CFAP46: variants seen among roughly 807,000 people sequenced by gnomAD.
CFAP46 encodes cilia and flagella associated protein 46.
Under a neutral mutation model 325.7 loss-of-function variants are expected in CFAP46, and 245 were observed. The observed-to-expected ratio is 0.75, with a 90% confidence interval of 0.68 to 0.84. CFAP46 has a LOEUF of 0.84. Ranked by LOEUF, CFAP46 falls within the 40% of genes least tolerant of loss-of-function variation. CFAP46 has a pLI of 0.00. For synonymous variants in CFAP46, 1,523 were observed against 1,495.9 expected (o/e 1.02, Z -0.42); for missense variants, 3,346 against 3,543.0 (o/e 0.94, Z 1.41).
In CFAP46 at chr10:132,846,105, G is replaced by C; in HGVS notation, c.6390C>G (p.Thr2130=). 1 of 1,606,950 alleles carries C rather than the reference G, an allele frequency of 6.2e-7. No individual in the cohort carries two copies. The highest frequency in any genetic ancestry group is 8.5e-7 in the Non-Finnish European group (1 of 1,179,042). The stretch of plus-strand genomic sequence containing the variant: ...GCTCCACACGGGCGCCCAGGCTGGT[G>C]GTGGTCCTGTCTTGGCACCGGAGCT... The part of the protein sequence containing the change: ...QHQLRCQDRT[T]TSLGARVEQR... The change falls in exon 44 of 58, where the codon ACC becomes ACG. Residue 2130 remains threonine (T), a synonymous_variant. Coordinates refer to ENST00000368586, the MANE Select transcript of CFAP46 (RefSeq NM_001200049.3).
intron 39 of CFAP46, among the ~76,000 whole-genome samples, chr10:132,851,709 G>A (rs1009789652): frequency 6.6e-6 from 1 of 152,362 alleles, no homozygotes; most frequent in South Asian, 2.1e-4. Flanking sequence ...TCTCACAGCC[G>A]GCGTCGGTGC....
Position 132,834,078 on chromosome 10 carries a change from G to C in CFAP46, c.6912C>G (p.Gly2304=), listed in dbSNP as rs751663444. The part of the protein sequence containing the change: ...AVVADSGKSK[G]KDKERKTSTG... Reference sequence around the variant, plus strand: ...TGGACGTTTTCCTCTCCTTGTCTTTGCCCTTCGACTTCCCTGAATCGGCAA... The same window carrying C: ...TGGACGTTTTCCTCTCCTTGTCTTTCCCCTTCGACTTCCCTGAATCGGCAA... The change falls in exon 49 of 58, where the codon GGC becomes GGG. Residue 2304 remains glycine (G), a synonymous_variant. Coordinates refer to ENST00000368586, the MANE Select transcript of CFAP46 (RefSeq NM_001200049.3). The C allele has an allele frequency of 1.9e-6, 3 of 1,613,896 alleles. No individual in the cohort carries two copies. The highest frequency in any genetic ancestry group is 3.3e-5 in the Admixed American group (2 of 60,010).
intron 50 of CFAP46, among the ~76,000 whole-genome samples, chr10:132,823,910 CGCTGATGTGTGTGTGT>C (rs1376261738): frequency 2.5e-5 from 3 of 120,548 alleles, no homozygotes; most frequent in Non-Finnish European, 3.6e-5. Context: ...GCTGTGTGAG[CGCTGATGTGTGTGTGT>C]GCTGATGTGT....
At chr10:132,893,736 A>T (rs1486974765) in intron 24 of CFAP46, among the ~76,000 whole-genome samples, 1 of 152,190 alleles carries the variant, frequency 6.6e-6, no homozygotes, top group Non-Finnish European at 1.5e-5. Context: ...TTCCCAGTGT[A>T]CTTTCTTTCC....
intron 24 of CFAP46, among the ~76,000 whole-genome samples, chr10:132,893,553 C>T (rs746066006): frequency 9.9e-5 from 15 of 152,168 alleles, no homozygotes; most frequent in Admixed American, 2.0e-4. Flanking sequence ...CCTTTCTACC[C>T]AATAAAATCC....
chr10:132,936,607 C>T (rs1274797802), intron 7 of CFAP46, among the ~76,000 whole-genome samples: 3 of 149,260 alleles, frequency 2.0e-5, no homozygotes. Flanking sequence ...GTGATCTCCT[C>T]ACTCCCCTTG....
At chr10:132,879,292 G>A in intron 29 of CFAP46, 134 bp downstream of exon 29, 1 of 839,932 alleles carries the variant, frequency 1.2e-6, no homozygotes, top group Non-Finnish European at 1.8e-6. Context: ...GCAGGAAATT[G>A]CTCACATCTC....
intron 39 of CFAP46, among the ~76,000 whole-genome samples, chr10:132,853,702 G>A (rs1848596294): frequency 6.7e-6 from 1 of 149,624 alleles, no homozygotes; most frequent in Non-Finnish European, 1.5e-5. Context: ...AATATATAGG[G>A]CTACTCAGGC....
rs1554876280 is a variant in CFAP46 at position 132,832,397 on chromosome 10, C to CCCCA, written c.7117+957_7117+960dup. The stretch of plus-strand genomic sequence containing the variant: ...CCCCTGGGCTCTTCCTGCCCCCCCC[C>CCCCA]CCCAATGCTGTGGCCTGGAAATTCC... On this transcript the variant is annotated intron_variant, in intron 50 of 57. Coordinates refer to ENST00000368586, the MANE Select transcript of CFAP46 (RefSeq NM_001200049.3). This position sits in a 1 kb window ranked among gnomAD's most constrained non-coding sequence, Gnocchi z 4.1. Among the ~76,000 whole-genome samples the CCCCA allele has an allele frequency of 2.8e-5, 4 of 142,694 alleles. No individual in the cohort carries two copies. The highest frequency in any genetic ancestry group is 1.0e-4 in the African/African-American group (4 of 38,176). 93.6% of individuals were successfully genotyped at this position (142,694 alleles called of 152,430 possible).
chr10:132,858,358 C>A (rs71503765), intron 38 of CFAP46, among the ~76,000 whole-genome samples: 3 of 91,090 alleles, frequency 3.3e-5, no homozygotes, highest in African/African-American at 8.3e-5. Flanking sequence ...GGAGGCAGGG[C>A]GGTGGGCGGG....
intron 40 of CFAP46, 114 bp downstream of exon 40, chr10:132,851,003 C>A: frequency 1.6e-6 from 2 of 1,269,950 alleles, no homozygotes; most frequent in Non-Finnish European, 2.2e-6. Flanking sequence ...CCCCAGCTGA[C>A]CCGCACCGCC....
At chr10:132,908,408 C>T in intron 22 of CFAP46, 60 bp downstream of exon 22, 4 of 1,535,088 alleles carry the variant, frequency 2.6e-6, no homozygotes, top group Non-Finnish European at 3.5e-6. Flanking sequence ...GTGATTGAGG[C>T]CCAGGCCTGC....
chr10:132,899,515 A>G lies in CFAP46; in HGVS notation c.3056+20T>C. ...GCCGGGGAGGGACAGAGCCCACCCCAGCCCCTTAGAGCCACACACCTGGCG... is the reference window on the plus strand; with the variant it reads ...GCCGGGGAGGGACAGAGCCCACCCCGGCCCCTTAGAGCCACACACCTGGCG... On this transcript the variant is annotated intron_variant, in intron 23 of 57. Transcript: ENST00000368586. 6.5e-7 allele frequency: 1 copy of G among 1,537,438 alleles called. No individual in the cohort carries two copies. The highest frequency in any genetic ancestry group is 8.8e-7 in the Non-Finnish European group (1 of 1,140,890).
rs1037681098 is a variant in CFAP46 at position 132,885,262 on chromosome 10, G to T, written c.3468C>A (p.Ile1156=). 1 of 1,549,490 alleles carries T rather than the reference G, an allele frequency of 6.5e-7. No individual in the cohort carries two copies. The highest frequency in any genetic ancestry group is 2.4e-5 in the East Asian group (1 of 40,844). ...AATTCTGCCCGAGCTTGGCCTTCAC[G>T]ATGACCATGTGCTTGAAGATCAAGC... The part of the protein sequence containing the change: ...HRLLIFKHMV[I]VKAKLGQNFS... Residue 1156 remains isoleucine, a synonymous_variant, in exon 27 of 58, where the codon ATC becomes ATA. Transcript: ENST00000368586.
chr10:132,835,375 A>G lies in CFAP46; in HGVS notation c.6673T>C (p.Cys2225Arg). 6.2e-7 allele frequency: 1 copy of G among 1,613,654 alleles called. No homozygotes were observed. Among genetic ancestry groups the G allele is most frequent in the Non-Finnish European group, 8.5e-7 (1 of 1,179,932 alleles). Residue 2225 changes from cysteine to arginine, a missense_variant, in exon 47 of 58, where the codon TGT becomes CGT. Transcript: ENST00000368586. ...GTCTGCTTCCGGAACTGCTGGGCACAGGCCAGCAGGTGGGAGAAGGCAGTG... is the reference window on the plus strand; with the variant it reads ...GTCTGCTTCCGGAACTGCTGGGCACGGGCCAGCAGGTGGGAGAAGGCAGTG... ...SPTAFSHLLA[C>R]AQQFRKQTQA...
intron 50 of CFAP46, among the ~76,000 whole-genome samples, chr10:132,825,371 G>T (rs987304650): frequency 3.9e-5 from 6 of 152,194 alleles, no homozygotes; most frequent in African/African-American, 1.4e-4. Flanking sequence ...GAACCCACTG[G>T]GAGGGTGGAG....
At chr10:132,902,695 G>A (rs979782406) in intron 22 of CFAP46, among the ~76,000 whole-genome samples, 11 of 152,172 alleles carry the variant, frequency 7.2e-5, no homozygotes, top group Non-Finnish European at 4.4e-5. Flanking sequence ...CACACATCTA[G>A]TAATTTCTTA....
At chr10:132,921,092 C>T (rs1259301839) in intron 13 of CFAP46, among the ~76,000 whole-genome samples, 5 of 152,238 alleles carry the variant, frequency 3.3e-5, no homozygotes, top group Non-Finnish European at 5.9e-5. Flanking sequence ...ACCCACCCTG[C>T]GTCTGCCCAT....
Position 132,869,221 on chromosome 10 carries a change from G to A in CFAP46, c.4610+53C>T, listed in dbSNP as rs570335471. The A allele has an allele frequency of 1.1e-4, 158 of 1,427,202 alleles. No homozygotes were observed. Among genetic ancestry groups the A allele is most frequent in the African/African-American group, 2.0e-4 (14 of 69,412 alleles). The allele number at this position is 1,427,202 out of a possible 1,614,324, so 88.4% of individuals were successfully genotyped here. On this transcript the variant is annotated intron_variant, in intron 33 of 57. Transcript: ENST00000368586. The surrounding 1 kb of genome is among the most constrained non-coding windows in gnomAD (Gnocchi z 6.2). ...CCGCGCAGCTGGCTTTCACCTGGCC[G>A]CACCAAGGGCGAGACTCAAACCCCA... is the stretch of plus-strand genomic sequence containing the variant.
Sources: gnomAD v4.1 joint callset for allele counts (sites outside exome capture counted in the v4.1 genomes callset) on GRCh38, gnomAD v4.1.1 for gene constraint, Gnocchi (gnomAD v3.1) non-coding constraint, MANE v1.5 for transcripts, NCBI Gene and HGNC (gene_info 2026-07-23, HGNC 2026-07-21) for gene names.